Variants in BCAS1 observed in about 807,000 individuals in gnomAD.
BCAS1 encodes the protein breast carcinoma-amplified sequence 1.
Under a neutral mutation model 65.4 loss-of-function variants are expected in BCAS1, and 46 were observed. The ratio of observed to expected loss-of-function variants is 0.70; its 90% CI spans 0.55 to 0.90. The LOEUF is 0.90. Among genes scored for constraint, BCAS1 ranks in the 40% least tolerant of loss-of-function variants. BCAS1 has a pLI of 0.00. For missense variants in BCAS1, 793 were observed against 771.2 expected (o/e 1.03, Z -0.33); for synonymous variants, 298 against 293.5 (o/e 1.02, Z -0.16).
chr20:54,054,593 T>G (rs6022934), intron 3 of BCAS1, among the ~76,000 whole-genome samples: 8,897 of 152,252 alleles, frequency 0.058, 436 homozygotes, highest in African/African-American at 0.13. Flanking sequence ...AAAGCAAGTT[T>G]CACAGGTTGA....
At chr20:54,057,970 A>G in intron 3 of BCAS1, 115 bp downstream of exon 3, 1 of 810,956 alleles carries the variant, frequency 1.2e-6, no homozygotes, top group Non-Finnish European at 2.0e-6. Flanking sequence ...AAGTATTTTC[A>G]AACTGAGCCT....
At chr20:53,962,999 C>T (rs2089925860) in intron 10 of BCAS1, among the ~76,000 whole-genome samples, 2 of 151,870 alleles carry the variant, frequency 1.3e-5, no homozygotes, top group East Asian at 2.0e-4. Context: ...TACAGGCGCC[C>T]GCCACCATGC....
intron 2 of BCAS1, 68 bp from the exon 3 acceptor site, chr20:54,058,222 C>T: frequency 7.3e-7 from 1 of 1,374,918 alleles, no homozygotes; most frequent in Non-Finnish European, 1.0e-6. Context: ...CAAGGAAGAA[C>T]CTCTAAGATA....
intron 3 of BCAS1, among the ~76,000 whole-genome samples, chr20:54,047,887 C>T (rs2092139365): frequency 6.6e-6 from 1 of 151,954 alleles, no homozygotes; most frequent in Admixed American, 6.6e-5. Context: ...TGGTGTATGC[C>T]CTATGTAAAT....
At chr20:54,049,960 A>G (rs1245011894) in intron 3 of BCAS1, among the ~76,000 whole-genome samples, 1 of 152,230 alleles carries the variant, frequency 6.6e-6, no homozygotes, top group African/African-American at 2.4e-5. Flanking sequence ...GAATTATCCC[A>G]AATGCCCCAG....
At chr20:54,065,145 TATCTATCTATCTATCTATC>T (rs2092422067) in intron 1 of BCAS1, among the ~76,000 whole-genome samples, 1 of 140,090 alleles carries the variant, frequency 7.1e-6, no homozygotes, top group Non-Finnish European at 1.6e-5. Context: ...TCTATCTATC[TATCTATCTATCTATCTATC>T]ATCTACTTTA....
chr20:53,988,696 A>G (rs1164680683), intron 7 of BCAS1, among the ~76,000 whole-genome samples: 1 of 152,198 alleles, frequency 6.6e-6, no homozygotes, highest in Non-Finnish European at 1.5e-5. Flanking sequence ...AATATCCAAT[A>G]AATTACTGTT....
chr20:54,052,253 AG>A (rs2092229332), intron 3 of BCAS1, among the ~76,000 whole-genome samples: 1 of 152,188 alleles, frequency 6.6e-6, no homozygotes. Flanking sequence ...GCCCCTCTGC[AG>A]TGAGTGTCTC....
At chr20:54,037,994 G>A (rs796529644) in intron 3 of BCAS1, among the ~76,000 whole-genome samples, 4 of 151,314 alleles carry the variant, frequency 2.6e-5, no homozygotes, top group African/African-American at 7.2e-5. Flanking sequence ...TAAAAATTAG[G>A]TTATGTCATT....
chr20:54,031,896 ACCTGAAAAACATATTTCAGGAGTTCATC>A (rs2091809254), intron 3 of BCAS1, among the ~76,000 whole-genome samples: 1 of 151,132 alleles, frequency 6.6e-6, no homozygotes, highest in Non-Finnish European at 1.5e-5. Context: ...AATGGAATCA[ACCTGAAAAACATATTTCAGGAGTTCATC>A]CCTGAAAACT....
intron 4 of BCAS1, among the ~76,000 whole-genome samples, chr20:54,017,605 A>G (rs2091467540): frequency 6.6e-6 from 1 of 152,096 alleles, no homozygotes; most frequent in African/African-American, 2.4e-5. Flanking sequence ...CATGTTGGCC[A>G]GGCTGGTCTT....
At position 54,008,807 on chromosome 20, in the gene BCAS1, GA is replaced by G. The variant is rs1481115470; in HGVS notation, c.724-12758del. Among the ~76,000 whole-genome samples, 8 of 151,190 alleles carry G rather than the reference GA, an allele frequency of 5.3e-5. No homozygotes were observed. In the South Asian group the frequency reaches 1.0e-3, roughly 20 times the overall value. On this transcript the variant is annotated intron_variant, in intron 4 of 12. Coordinates refer to ENST00000688948, the MANE Select transcript of BCAS1 (RefSeq NM_001366298.2). ...AGAGATGCTAGAATTATCTAACAAA[GA>G]TTTTTTTTTTTTTTTGAGACGGAGT... is the stretch of plus-strand genomic sequence containing the variant.
At position 54,003,316 on chromosome 20, in the gene BCAS1, G is replaced by A. The variant is rs375409871; in HGVS notation, c.724-7266C>T. Among the ~76,000 whole-genome samples, 138 of 151,194 alleles carry A rather than the reference G, an allele frequency of 9.1e-4. 1 individual carries two copies. The highest frequency in any genetic ancestry group is 3.2e-3 in the African/African-American group (130 of 41,216). The stretch of plus-strand genomic sequence containing the variant: ...AGATTCAGGAGAAACATTTGTTAAA[G>A]GATGAAAGGATATGGAGTAAATTCT... On this transcript the variant is annotated intron_variant, in intron 4 of 12. Transcript: ENST00000688948.
chr20:54,018,276 G>A (rs1322579311), intron 4 of BCAS1, among the ~76,000 whole-genome samples: 2 of 152,018 alleles, frequency 1.3e-5, no homozygotes, highest in East Asian at 3.9e-4. Context: ...TAAATTGTTG[G>A]TCTCTCCACT....
intron 4 of BCAS1, among the ~76,000 whole-genome samples, chr20:54,015,185 C>T (rs1014538310): frequency 3.3e-5 from 5 of 152,082 alleles, no homozygotes; most frequent in African/African-American, 4.8e-5. Flanking sequence ...GCATGTGCCA[C>T]CATGCCCGGC....
chr20:53,985,197 A>G (rs567816675), intron 8 of BCAS1, 90 bp downstream of exon 8: 34 of 1,260,304 alleles, frequency 2.7e-5, no homozygotes, highest in Middle Eastern at 5.6e-4. Context: ...CCTTCCATAC[A>G]TTGTTGAGTA....
intron 4 of BCAS1, among the ~76,000 whole-genome samples, chr20:54,016,175 T>C (rs533994960): frequency 1.3e-5 from 2 of 152,334 alleles, no homozygotes; most frequent in Admixed American, 1.3e-4. Context: ...GTCACCCTCG[T>C]TTACGGTGTC....
At chr20:54,002,957 T>C (rs1338234035) in intron 4 of BCAS1, among the ~76,000 whole-genome samples, 1 of 152,176 alleles carries the variant, frequency 6.6e-6, no homozygotes, top group Non-Finnish European at 1.5e-5. Context: ...AGGCACTGCG[T>C]GTGTCTCATT....
intron 1 of BCAS1, among the ~76,000 whole-genome samples, chr20:54,068,766 C>A (rs768082215): frequency 4.6e-5 from 7 of 152,148 alleles, no homozygotes; most frequent in Non-Finnish European, 7.3e-5. Context: ...TCCTGAACTG[C>A]TTCAGGGCAG....
Sources: allele counts gnomAD v4.1 joint callset (sites outside exome capture counted in the v4.1 genomes callset), GRCh38; gene constraint gnomAD v4.1.1; transcripts MANE v1.5; gene names NCBI Gene and HGNC (gene_info 2026-07-23, HGNC 2026-07-21).